Variants in P3H4 observed in about 807,000 individuals in gnomAD.
P3H4 encodes prolyl 3-hydroxylase family member 4 (inactive), also known as endoplasmic reticulum protein SC65.
P3H4 carries 47 observed loss-of-function variants against 52.9 expected under a neutral mutation model. The observed-to-expected ratio is 0.89, with a 90% CI of 0.70 to 1.13. The LOEUF is 1.13. Ranked by LOEUF, P3H4 falls within the 50% of genes most tolerant of loss-of-function variation. The probability of loss-of-function intolerance (pLI) is 0.00; values close to 1 mark genes in which losing one functional copy is unlikely to be tolerated. For synonymous variants in P3H4, 256 were observed against 267.9 expected (o/e 0.96, Z 0.44); for missense variants, 585 against 611.0 (o/e 0.96, Z 0.45).
intron 6 of P3H4, 23 bp downstream of exon 6, chr17:41,806,773 C>G (rs782670638): frequency 6.2e-7 from 1 of 1,605,468 alleles, no homozygotes; most frequent in South Asian, 1.1e-5. Flanking sequence ...ACAGCCCAAT[C>G]CTGGAAAGCA....
At position 41,807,863 on chromosome 17, in the gene P3H4, C is replaced by T. The variant is rs782635662; in HGVS notation, c.1058G>A (p.Arg353Gln). Residue 353 changes from arginine to glutamine, a missense_variant, in exon 5 of 8, where the codon CGG becomes CAG. Arg to Gln is a conservative substitution (Grantham distance 43). Transcript: ENST00000393928. ...WGLEEEDFQPREEAMLYHNQT... is the reference protein window; with the variant it reads ...WGLEEEDFQPQEEAMLYHNQT... ...GCCCCAGAAAGCAGTGCCCACCTCC[C>T]GGGGCTGGAAGTCCTCCTCTTCCAG... 28 of 1,612,250 alleles carry T rather than the reference C, an allele frequency of 1.7e-5. No individual in the cohort carries two copies. The highest frequency in any genetic ancestry group is 2.3e-5 in the Non-Finnish European group (27 of 1,179,224).
At chr17:41,809,566 C>T (rs782731605) in intron 4 of P3H4, 140 bp downstream of exon 4, 36 of 1,013,700 alleles carry the variant, frequency 3.6e-5, no homozygotes, top group Non-Finnish European at 4.9e-5. Flanking sequence ...CCCATATTCC[C>T]ACCACCCCTA....
intron 4 of P3H4, among the ~76,000 whole-genome samples, chr17:41,809,351 G>A (rs532065028): frequency 4.8e-4 from 73 of 152,234 alleles, no homozygotes; most frequent in African/African-American, 1.3e-3. Flanking sequence ...GGGAGGCAGC[G>A]GTTGCAGTGA....
chr17:41,804,795 C>A (rs1567847533), intron 6 of P3H4, among the ~76,000 whole-genome samples: 1 of 151,918 alleles, frequency 6.6e-6, no homozygotes, highest in Admixed American at 6.6e-5. Flanking sequence ...CGTGGTGAAA[C>A]CCTGTCTCTA....
chr17:41,811,276 C>G lies in P3H4; in HGVS notation c.471G>C (p.Arg157=). 6.2e-7 allele frequency: 1 copy of G among 1,613,248 alleles called. No homozygotes were observed. Among genetic ancestry groups the G allele is most frequent in the Non-Finnish European group, 8.5e-7 (1 of 1,179,984 alleles). ...YLHYALFKAN[R]LEKAVAAAYT... ...AGGCCGCCGCCACCGCCTTCTCCAG[C>G]CGGTTAGCCTGGTCGGGGGGTAGGG... Residue 157 remains arginine, a synonymous_variant, in exon 2 of 8, where the codon CGG becomes CGC. Coordinates refer to ENST00000393928, the MANE Select transcript of P3H4 (RefSeq NM_006455.3). The surrounding 1 kb of genome is among the most constrained non-coding windows in gnomAD (Gnocchi z 4.8).
intron 6 of P3H4, among the ~76,000 whole-genome samples, chr17:41,805,129 CAAA>C (rs1181978164): frequency 6.6e-6 from 1 of 150,764 alleles, no homozygotes; most frequent in African/African-American, 2.4e-5. Context: ...ACTAAATATA[CAAA>C]AAAAATTAGC....
rs149794758 is a variant in P3H4 at position 41,811,016 on chromosome 17, C to A, written c.634G>T (p.Val212Leu). ...AAATCCCCGCTGTTGTAGAGCTTCA[C>A]AGCCCGGAGGAACACGGCCTGGAAG... ...QPYEAVFLRA[V>L]KLYNSGDFRS... The change falls in exon 3 of 8, where the codon GTG becomes TTG. Residue 212 changes from valine (V) to leucine (L), a missense_variant. Physicochemically the swap from Val to Leu is conservative, Grantham distance 32. Transcript: ENST00000393928. This position sits in a 1 kb window ranked among gnomAD's most constrained non-coding sequence, Gnocchi z 4.8. 2 of 1,613,888 alleles carry A rather than the reference C, an allele frequency of 1.2e-6. No individual in the cohort carries two copies. Among genetic ancestry groups the A allele is most frequent in the Middle Eastern group, 1.7e-4 (1 of 6,060 alleles).
rs183381640 is a variant in P3H4, at chr17:41,803,300, G to A, written c.1278C>T (p.Asp426=). ...CGTGTCACTGACCAGCCTCGGCCTC[G>A]TCACCCTTGGCATCCGGCTCCTGCC... is the stretch of plus-strand genomic sequence containing the variant. The part of the protein sequence containing the change: ...DWWQEPDAKG[D]EAEAEPEPEL... Residue 426 remains aspartate (D), a synonymous_variant, in exon 7 of 8, where the codon GAC becomes GAT. Transcript: ENST00000393928. The A allele has an allele frequency of 3.0e-5, 48 of 1,613,580 alleles. No individual in the cohort carries two copies. The Admixed American group carries it at 3.7e-4, about 12-fold the overall frequency.
chr17:41,803,218 G>C, intron 7 of P3H4, 69 bp downstream of exon 7: 1 of 1,556,428 alleles, frequency 6.4e-7, no homozygotes, highest in Non-Finnish European at 8.7e-7. Flanking sequence ...AGCCCAGCGG[G>C]TGAATGCATC....
intron 4 of P3H4, among the ~76,000 whole-genome samples, chr17:41,808,845 C>T (rs2047700678): frequency 6.6e-6 from 1 of 152,150 alleles, no homozygotes. Flanking sequence ...GAAGGGTCTC[C>T]TGGCCCCTGG....
At chr17:41,808,096 G>C (rs782788561) in intron 4 of P3H4, 92 bp from the exon 5 acceptor site, 6 of 1,478,708 alleles carry the variant, frequency 4.1e-6, no homozygotes, top group East Asian at 2.4e-5. Context: ...CTGCTACCCA[G>C]CCACCTCCCA....
At position 41,811,157 on chromosome 17, in the gene P3H4, G is replaced by A. The variant is rs201546474; in HGVS notation, c.590C>T (p.Thr197Met). The A allele has an allele frequency of 2.6e-4, 420 of 1,614,200 alleles. 3 individuals carry two copies. The Admixed American group carries it at 5.8e-3, about 22-fold the overall frequency. ...CTCGTAGGGCTGGGCCTCTAGGTCC[G>A]TGAGGGACTCGTCGGCGACGTCCAG... is the stretch of plus-strand genomic sequence containing the variant. ...GMLDVADESL[T>M]DLEAQPYEAV... Residue 197 changes from threonine to methionine, a missense_variant, in exon 2 of 8, where the codon ACG becomes ATG. Transcript: ENST00000393928. This position sits in a 1 kb window ranked among gnomAD's most constrained non-coding sequence, Gnocchi z 4.8.
chr17:41,808,114 T>C (rs1597896722), intron 4 of P3H4, 110 bp from the exon 5 acceptor site: 7 of 1,375,790 alleles, frequency 5.1e-6, no homozygotes, highest in Non-Finnish European at 6.9e-6. Context: ...CCAGAATACC[T>C]AATGGGCTCC....
Position 41,811,097 on chromosome 17 carries a change from T to A in P3H4, c.615+35A>T. 4.3e-6 allele frequency: 7 copies of A among 1,612,674 alleles called. No homozygotes were observed. Among genetic ancestry groups the A allele is most frequent in the Non-Finnish European group, 5.9e-6 (7 of 1,178,926 alleles). On this transcript the variant is annotated intron_variant, in intron 2 of 7. Transcript: ENST00000393928. This position sits in a 1 kb window ranked among gnomAD's most constrained non-coding sequence, Gnocchi z 4.8. ...AACATCTCCCCTCCTCTACTAGCCC[T>A]CCTCTACAAGCCTCCTCCTGACCCT... is the stretch of plus-strand genomic sequence containing the variant.
chr17:41,810,204 C>T (rs1050185405), intron 3 of P3H4, among the ~76,000 whole-genome samples: 6 of 140,736 alleles, frequency 4.3e-5, no homozygotes, highest in Non-Finnish European at 6.0e-5. Flanking sequence ...GACAGAGTCT[C>T]GCCCTGTCGA....
chr17:41,806,658 A>G (rs925330327), intron 6 of P3H4, 138 bp downstream of exon 6: 4 of 688,982 alleles, frequency 5.8e-6, no homozygotes, highest in Non-Finnish European at 1.0e-5. Flanking sequence ...CAGTCTAGAC[A>G]AGGAACAGGC....
At chr17:41,805,925 A>G (rs1371025524) in intron 6 of P3H4, among the ~76,000 whole-genome samples, 1 of 152,132 alleles carries the variant, frequency 6.6e-6, no homozygotes, top group Non-Finnish European at 1.5e-5. Flanking sequence ...CTCACTTGAA[A>G]TCAATGTTAA....
chr17:41,807,154 G>C, intron 5 of P3H4: 1 of 481,732 alleles, frequency 2.1e-6, no homozygotes, highest in Non-Finnish European at 3.8e-6. Flanking sequence ...ATATTTGCCA[G>C]CCTGGCCCTC....
chr17:41,809,652 C>T (rs1360906075), intron 4 of P3H4, 54 bp downstream of exon 4: 4 of 1,588,472 alleles, frequency 2.5e-6, no homozygotes, highest in Non-Finnish European at 3.4e-6. Flanking sequence ...CCCATACAGT[C>T]CTCTCCCTTA....
Sources: allele counts gnomAD v4.1 joint callset (sites outside exome capture counted in the v4.1 genomes callset), GRCh38; gene constraint gnomAD v4.1.1; non-coding constraint Gnocchi (gnomAD v3.1); transcripts MANE v1.5; gene names NCBI Gene and HGNC (gene_info 2026-07-23, HGNC 2026-07-21).